Variants in CFAP47 observed in about 807,000 individuals in gnomAD.
CFAP47 encodes cilia and flagella associated protein 47.
A neutral mutation model predicts 148.1 loss-of-function variants in CFAP47; 29 were observed. The observed-to-expected ratio is 0.20, with a 90% CI of 0.15 to 0.27. The LOEUF is 0.27. Among genes scored for constraint, CFAP47 ranks in the 10% least tolerant of loss-of-function variants. The probability of loss-of-function intolerance (pLI) is 1.00; values close to 1 mark genes in which losing one functional copy is unlikely to be tolerated. For missense variants in CFAP47, 1,872 were observed against 1,697.5 expected (o/e 1.10, Z -1.81); for synonymous variants, 664 against 577.3 (o/e 1.15, Z -2.15).
chrX:36,195,390 G>A (rs782115918), intron 42 of CFAP47, among the ~76,000 whole-genome samples: 38 of 112,172 alleles, frequency 3.4e-4, no homozygotes, highest in African/African-American at 1.2e-3. Flanking sequence ...TGGTTTCTTG[G>A]AAGTGATAGA....
In CFAP47 at chrX:35,924,515, ATG is replaced by A. The variant is rs1315081533; in HGVS notation, c.250-1498_250-1497del. ...TATATGTGTATATAGGTGCACATATATGTGTATATATGCACATATATGTGCAC... is the reference window on the plus strand; with the variant it reads ...TATATGTGTATATAGGTGCACATATATGTATATATGCACATATATGTGCAC... On this transcript the variant is annotated intron_variant, in intron 1 of 63. Coordinates refer to ENST00000378653, the MANE Select transcript of CFAP47 (RefSeq NM_001304548.2). Among the ~76,000 whole-genome samples the A allele has an allele frequency of 2.9e-5, 3 of 103,903 alleles. No homozygotes were observed. In the East Asian group the frequency reaches 9.3e-4, roughly 32 times the overall value. 90.2% of individuals were successfully genotyped at this position (103,903 alleles called of 115,157 possible).
At chrX:36,371,321 A>G (rs782160192) in intron 62 of CFAP47, among the ~76,000 whole-genome samples, 14 of 110,240 alleles carry the variant, frequency 1.3e-4, no homozygotes, top group Non-Finnish European at 2.7e-4. Flanking sequence ...ACTAAGTCCA[A>G]CTCAATTCTG....
intron 26 of CFAP47, among the ~76,000 whole-genome samples, chrX:36,060,972 T>G (rs1329270112): frequency 9.0e-6 from 1 of 111,593 alleles, no homozygotes; most frequent in Non-Finnish European, 1.9e-5. Flanking sequence ...AAGTCCAGAC[T>G]TTGCGATATG....
Position 36,099,812 on chromosome X carries a change from T to C in CFAP47, c.5060T>C (p.Ile1687Thr), listed in dbSNP as rs1446886092. 3.3e-6 allele frequency: 3 copies of C among 903,477 alleles called. No homozygotes were observed. Among genetic ancestry groups the C allele is most frequent in the South Asian group, 2.0e-5 (1 of 50,414 alleles). 74.5% of individuals were successfully genotyped at this position (903,477 alleles called of 1,213,427 possible). A position where few individuals can be genotyped will look rare whatever the true frequency, so the allele number is the denominator to read the frequency against. The change falls in exon 32 of 64, where the codon ATA becomes ACA. Residue 1687 changes from isoleucine (I) to threonine (T), a missense_variant. Physicochemically the swap from Ile to Thr is moderately conservative, Grantham distance 89. Transcript: ENST00000378653. ...CCTAAGAAAAAATGTTCTATTGTTA[T>C]AGAAATGTCTAAATTTGAAGCCTGG... ...CTPKKKCSIV[I>T]EMSKFEAWSK...
At chrX:36,248,496 TCACACACACACACACACA>T (rs60595897) in intron 48 of CFAP47, among the ~76,000 whole-genome samples, 1 of 95,475 alleles carries the variant, frequency 1.0e-5, no homozygotes, top group Non-Finnish European at 2.1e-5. Flanking sequence ...ACATATTATA[TCACACACACACACACACA>T]CACACACACA....
At chrX:36,379,653 A>C in intron 63 of CFAP47, 135 bp downstream of exon 63, 43 of 502,408 alleles carry the variant, frequency 8.6e-5, no homozygotes, top group East Asian at 1.5e-4. Context: ...AACTTATCTC[A>C]ACTGCTACAT....
At chrX:36,095,066 G>T (rs1357376311) in intron 30 of CFAP47, among the ~76,000 whole-genome samples, 1 of 110,996 alleles carries the variant, frequency 9.0e-6, no homozygotes, top group African/African-American at 3.3e-5. Context: ...CCAGTTTTTT[G>T]AGAGTATTTT....
chrX:36,208,196 A>T (rs1171306106), intron 45 of CFAP47, among the ~76,000 whole-genome samples: 1 of 111,971 alleles, frequency 8.9e-6, no homozygotes, highest in African/African-American at 3.3e-5. Context: ...CTAATTTTAA[A>T]ATATTCACTA....
chrX:36,275,119 A>G (rs1556002458), intron 49 of CFAP47, among the ~76,000 whole-genome samples: 1 of 108,518 alleles, frequency 9.2e-6, no homozygotes, highest in Non-Finnish European at 1.9e-5. Flanking sequence ...ACAGGGTCTC[A>G]CTCTGTCCTC....
chrX:36,155,558 A>G (rs894803093), intron 37 of CFAP47, among the ~76,000 whole-genome samples: 1 of 111,133 alleles, frequency 9.0e-6, no homozygotes, highest in Non-Finnish European at 1.9e-5. Flanking sequence ...TTTTCATGAG[A>G]TTTTTCTTAG....
At chrX:36,319,888 C>T (rs1941464477) in intron 57 of CFAP47, among the ~76,000 whole-genome samples, 1 of 111,338 alleles carries the variant, frequency 9.0e-6, no homozygotes, top group African/African-American at 3.3e-5. Flanking sequence ...TGCAGTGGCA[C>T]AATCTCGGCT....
chrX:36,341,037 C>CTTTT (rs11450233), intron 57 of CFAP47, among the ~76,000 whole-genome samples: 1 of 89,586 alleles, frequency 1.1e-5, no homozygotes, highest in African/African-American at 4.3e-5. Flanking sequence ...CTTTTCTTTT[C>CTTTT]TTTTTTTTTT....
intron 39 of CFAP47, among the ~76,000 whole-genome samples, chrX:36,169,193 C>T (rs1939534395): frequency 9.0e-6 from 1 of 111,123 alleles, no homozygotes. Flanking sequence ...TTGCTACTTA[C>T]AAGATTGTCT....
At chrX:35,987,495 G>T (rs191481772) in intron 15 of CFAP47, among the ~76,000 whole-genome samples, 9 of 111,716 alleles carry the variant, frequency 8.1e-5, no homozygotes, top group Non-Finnish European at 1.5e-4. Context: ...ACTTCATACT[G>T]CTGTGCTGGC....
At chrX:35,974,658 T>C (rs1329166928) in intron 13 of CFAP47, among the ~76,000 whole-genome samples, 6 of 112,220 alleles carry the variant, frequency 5.3e-5, no homozygotes, top group Non-Finnish European at 9.4e-5. Flanking sequence ...ACTTACTATA[T>C]GCCAGTTTTA....
chrX:36,101,311 A>G (rs182627977), intron 32 of CFAP47, among the ~76,000 whole-genome samples: 1 of 112,305 alleles, frequency 8.9e-6, no homozygotes, highest in African/African-American at 3.2e-5. Flanking sequence ...GTTATAACAC[A>G]GAATGCACAC....
intron 51 of CFAP47, 46 bp from the exon 52 acceptor site, chrX:36,298,931 C>T (rs1602097440): frequency 1.2e-6 from 1 of 826,620 alleles, no homozygotes; most frequent in Middle Eastern, 3.7e-4. Flanking sequence ...ATAATGACTC[C>T]ATGCTGACAC....
chrX:36,009,148 C>G (rs1490305222), intron 21 of CFAP47, among the ~76,000 whole-genome samples: 2 of 111,397 alleles, frequency 1.8e-5, no homozygotes, highest in South Asian at 3.7e-4. Context: ...CTGTTAAAGA[C>G]TAATGTCCAT....
At chrX:36,344,939 C>T (rs1393186865) in intron 57 of CFAP47, among the ~76,000 whole-genome samples, 2 of 111,592 alleles carry the variant, frequency 1.8e-5, no homozygotes, top group African/African-American at 6.5e-5. Flanking sequence ...AGTCATCTAG[C>T]GTACTCTTTC....
Sources: allele counts gnomAD v4.1 joint callset (sites outside exome capture counted in the v4.1 genomes callset), GRCh38; gene constraint gnomAD v4.1.1; transcripts MANE v1.5; gene names NCBI Gene and HGNC (gene_info 2026-07-23, HGNC 2026-07-21).